OBI1: variants seen among roughly 807,000 people sequenced by gnomAD.
The protein encoded by OBI1 is ring finger protein 219.
Under a neutral mutation model 62.4 loss-of-function variants are expected in OBI1, and 59 were observed. The observed-to-expected ratio is 0.95, with a 90% CI of 0.77 to 1.17. The LOEUF (loss-of-function observed/expected upper bound fraction) is 1.17. Ranked by LOEUF, OBI1 falls within the 50% of genes most tolerant of loss-of-function variation. The pLI, the probability that OBI1 is intolerant of heterozygous loss-of-function variation, is 0.00. For missense variants in OBI1, 875 were observed against 830.9 expected (o/e 1.05, Z -0.65); for synonymous variants, 302 against 292.8 (o/e 1.03, Z -0.32).
chr13:78,634,354 G>A (rs1243348352), intron 5 of OBI1, among the ~76,000 whole-genome samples: 1 of 151,490 alleles, frequency 6.6e-6, no homozygotes, highest in Non-Finnish European at 1.5e-5. Context: ...GAGTGCAGTG[G>A]CATGATCTCG....
chr13:78,626,977 A>C (rs1875689269), intron 5 of OBI1, among the ~76,000 whole-genome samples: 1 of 152,156 alleles, frequency 6.6e-6, no homozygotes, highest in Non-Finnish European at 1.5e-5. Context: ...GAGGCAGGAG[A>C]ATAGCATGAA....
intron 5 of OBI1, among the ~76,000 whole-genome samples, chr13:78,628,094 T>C (rs981558144): frequency 4.6e-5 from 7 of 152,220 alleles, no homozygotes; most frequent in African/African-American, 1.4e-4. Context: ...ATAATGGCTG[T>C]GAAGACAATA....
At chr13:78,656,795 T>C (rs1183112957) in intron 1 of OBI1, among the ~76,000 whole-genome samples, 1 of 126,720 alleles carries the variant, frequency 7.9e-6, no homozygotes, top group Non-Finnish European at 1.6e-5. Flanking sequence ...ATTTTTAATT[T>C]TTTTTTTTTT....
Position 78,616,553 on chromosome 13 carries a change from G to A in OBI1, c.1208C>T (p.Pro403Leu). The A allele has an allele frequency of 6.2e-7, 1 of 1,614,022 alleles. No homozygotes were observed. The highest frequency in any genetic ancestry group is 2.2e-5 in the East Asian group (1 of 44,866). ...GACCACAGAGCTCTCTCTATTTTCTGGAGTACTGAGCTGAAGGCAACTAAG... is the reference window on the plus strand; with the variant it reads ...GACCACAGAGCTCTCTCTATTTTCTAGAGTACTGAGCTGAAGGCAACTAAG... ...LSLSCLQLST[P>L]ENRESSVVQA... is the part of the protein sequence containing the mutation. The change falls in exon 6 of 6, where the codon CCA becomes CTA. Residue 403 changes from proline (P) to leucine (L), a missense_variant. Coordinates refer to ENST00000282003, the MANE Select transcript of OBI1 (RefSeq NM_024546.4).
chr13:78,628,749 C>T (rs1255133172), intron 5 of OBI1, among the ~76,000 whole-genome samples: 7 of 149,792 alleles, frequency 4.7e-5, no homozygotes, highest in Admixed American at 1.3e-4. Context: ...AGGGAAAGGA[C>T]GGACAAAATG....
intron 4 of OBI1, among the ~76,000 whole-genome samples, chr13:78,636,493 AACTTCTG>A (rs1407293224): frequency 6.6e-6 from 1 of 152,222 alleles, no homozygotes; most frequent in Non-Finnish European, 1.5e-5. Flanking sequence ...GAATTTCAAG[AACTTCTG>A]ACTGTATTAC....
chr13:78,645,775 C>A (rs913007295), intron 1 of OBI1, among the ~76,000 whole-genome samples: 13 of 152,248 alleles, frequency 8.5e-5, no homozygotes, highest in Non-Finnish European at 1.8e-4. Flanking sequence ...CTCAGCCTCC[C>A]GAGTAGCTGG....
At chr13:78,642,301 TC>T in intron 2 of OBI1, 88 bp from the exon 3 acceptor site, 1 of 826,376 alleles carries the variant, frequency 1.2e-6, no homozygotes, top group Non-Finnish European at 2.0e-6. Flanking sequence ...TTATATAGCT[TC>T]CCAGCTTCAC....
At chr13:78,646,868 T>C (rs1402980891) in intron 1 of OBI1, among the ~76,000 whole-genome samples, 1 of 152,162 alleles carries the variant, frequency 6.6e-6, no homozygotes, top group Non-Finnish European at 1.5e-5. Flanking sequence ...CATAAGAAAC[T>C]CCATTTTGAC....
At chr13:78,629,465 GCCT>G (rs1232764907) in intron 5 of OBI1, among the ~76,000 whole-genome samples, 1 of 151,970 alleles carries the variant, frequency 6.6e-6, no homozygotes, top group Non-Finnish European at 1.5e-5. Context: ...CATGATCCCT[GCCT>G]CAAGTGGCTA....
rs1876810696 is a variant in OBI1, at chr13:78,659,149, A to C, written c.-29T>G. ...AGCGTTCAGAATCCCGCCAACACGG[A>C]AGTCCCGCCGACCTACCGCTACTCT... is the stretch of plus-strand genomic sequence containing the variant. On this transcript the variant is annotated 5_prime_UTR_variant, in exon 1 of 6. Coordinates refer to ENST00000282003, the MANE Select transcript of OBI1 (RefSeq NM_024546.4). The C allele has an allele frequency of 1.2e-6, 2 of 1,603,606 alleles. No individual in the cohort carries two copies. The highest frequency in any genetic ancestry group is 1.1e-5 in the South Asian group (1 of 89,782).
At chr13:78,635,828 T>A (rs959052229) in intron 4 of OBI1, among the ~76,000 whole-genome samples, 11 of 152,180 alleles carry the variant, frequency 7.2e-5, no homozygotes, top group Admixed American at 2.6e-4. Flanking sequence ...AGTGGTGTGA[T>A]CTTGGCTCAC....
chr13:78,658,245 T>A (rs1876767482), intron 1 of OBI1, among the ~76,000 whole-genome samples: 1 of 148,634 alleles, frequency 6.7e-6, no homozygotes, highest in South Asian at 2.1e-4. Context: ...ATCTTTCCCC[T>A]TCTTTATCTA....
At chr13:78,657,928 A>T (rs1036015879) in intron 1 of OBI1, among the ~76,000 whole-genome samples, 2 of 152,146 alleles carry the variant, frequency 1.3e-5, no homozygotes, top group Admixed American at 6.5e-5. Context: ...CTCCAAATTG[A>T]TCAAGCCATC....
intron 1 of OBI1, among the ~76,000 whole-genome samples, chr13:78,655,790 G>A (rs1325493505): frequency 1.3e-5 from 2 of 152,164 alleles, no homozygotes; most frequent in Non-Finnish European, 2.9e-5. Context: ...AAAGAGCTAG[G>A]CACGAAGGAC....
At chr13:78,631,165 T>C (rs1875835950) in intron 5 of OBI1, among the ~76,000 whole-genome samples, 1 of 152,296 alleles carries the variant, frequency 6.6e-6, no homozygotes, top group East Asian at 1.9e-4. Flanking sequence ...TTATGCTTTT[T>C]TCATTCATTT....
At chr13:78,618,628 T>C (rs1424542267) in intron 5 of OBI1, among the ~76,000 whole-genome samples, 1 of 152,098 alleles carries the variant, frequency 6.6e-6, no homozygotes, top group East Asian at 1.9e-4. Flanking sequence ...TTAAAAGACA[T>C]GATTGCTGAA....
At position 78,616,938 on chromosome 13, in the gene OBI1, G is replaced by A. The variant is rs1182193492; in HGVS notation, c.823C>T (p.Leu275Phe). 2.5e-6 allele frequency: 4 copies of A among 1,614,044 alleles called. No individual in the cohort carries two copies. Among genetic ancestry groups the A allele is most frequent in the Non-Finnish European group, 2.5e-6 (3 of 1,180,030 alleles). Reference sequence around the variant, plus strand: ...TTGCTCCCTTTGCCATCTGCAGAAAGTGCTGTCTGGCAAATGGAATTCATA... The same window carrying A: ...TTGCTCCCTTTGCCATCTGCAGAAAATGCTGTCTGGCAAATGGAATTCATA... ...EAMNSICQTA[L>F]SADGKGSKGS... The change falls in exon 6 of 6, where the codon CTT becomes TTT. Residue 275 changes from leucine (L) to phenylalanine (F), a missense_variant. By Grantham distance (22) the Leu-to-Phe change is conservative (BLOSUM62 0). Coordinates refer to ENST00000282003, the MANE Select transcript of OBI1 (RefSeq NM_024546.4).
chr13:78,617,361 T>C, intron 5 of OBI1: 1 of 382,898 alleles, frequency 2.6e-6, no homozygotes. Flanking sequence ...TTAAATCAGA[T>C]CTATGGTAGC....
Sources: gnomAD v4.1 joint callset for allele counts (sites outside exome capture counted in the v4.1 genomes callset) on GRCh38, gnomAD v4.1.1 for gene constraint, MANE v1.5 for transcripts, NCBI Gene and HGNC (gene_info 2026-07-23, HGNC 2026-07-21) for gene names.